FRRS1L: variants seen among roughly 807,000 people sequenced by gnomAD.
FRRS1L encodes the protein ferric chelate reductase 1 like.
In FRRS1L, 22 loss-of-function variants were observed where a neutral mutation model predicts 28.6. The ratio of observed to expected loss-of-function variants is 0.77; its 90% CI spans 0.55 to 1.10. The LOEUF is 1.10. Ranked by LOEUF, FRRS1L falls within the 50% of genes least tolerant of loss-of-function variation. FRRS1L has a pLI of 0.00. For synonymous variants in FRRS1L, 158 were observed against 151.4 expected (o/e 1.04, Z -0.32); for missense variants, 380 against 386.9 (o/e 0.98, Z 0.15).
Position 109,133,628 on chromosome 9 carries a change from T to G in FRRS1L, c.*3827A>C, listed in dbSNP as rs1831081069. On this transcript the variant is annotated 3_prime_UTR_variant, in exon 5 of 5. Coordinates refer to ENST00000561981, the MANE Select transcript of FRRS1L (RefSeq NM_014334.4). ...GCCAGCACTGGTAATTTATGTCAAGTGACCAGCCTCAGTTTTTTCATCTGT... is the reference window on the plus strand; with the variant it reads ...GCCAGCACTGGTAATTTATGTCAAGGGACCAGCCTCAGTTTTTTCATCTGT... 1 of 152,250 alleles carries G rather than the reference T, an allele frequency of 6.6e-6. No homozygotes were observed. The highest frequency in any genetic ancestry group is 6.5e-5 in the Admixed American group (1 of 15,288). The allele number at this position is 152,250 out of a possible 1,614,324, so 9.4% of individuals were successfully genotyped here.
intron 3 of FRRS1L, among the ~76,000 whole-genome samples, chr9:109,144,585 G>A (rs1254141190): frequency 2.6e-5 from 4 of 151,878 alleles, no homozygotes; most frequent in African/African-American, 4.8e-5. Context: ...GGCTGGTCTC[G>A]AACTCCCGAC....
At chr9:109,165,215 A>C (rs1215548557) in intron 1 of FRRS1L, among the ~76,000 whole-genome samples, 1 of 152,262 alleles carries the variant, frequency 6.6e-6, no homozygotes, top group African/African-American at 2.4e-5. Flanking sequence ...TCCAGCTAGA[A>C]GACTACATTT....
chr9:109,143,575 C>T (rs369519144), intron 3 of FRRS1L, among the ~76,000 whole-genome samples: 12 of 146,244 alleles, frequency 8.2e-5, no homozygotes, highest in Admixed American at 2.1e-4. Context: ...AGTGCAGTGG[C>T]GCGATCTCGG....
intron 3 of FRRS1L, among the ~76,000 whole-genome samples, 159 bp from the exon 4 acceptor site, chr9:109,141,748 C>T (rs1831190171): frequency 6.6e-6 from 1 of 152,122 alleles, no homozygotes; most frequent in South Asian, 2.1e-4. Context: ...ACCAAAGTTA[C>T]CATCACAATA....
intron 1 of FRRS1L, among the ~76,000 whole-genome samples, chr9:109,153,325 A>G (rs1023768395): frequency 1.3e-5 from 2 of 152,162 alleles, no homozygotes; most frequent in African/African-American, 4.8e-5. Flanking sequence ...CATGTGGCCA[A>G]ATGATTAAAT....
Position 109,131,301 on chromosome 9 carries a change from A to G in FRRS1L, c.*6154T>C, listed in dbSNP as rs1370539632. On this transcript the variant is annotated 3_prime_UTR_variant, in exon 5 of 5. Coordinates refer to ENST00000561981, the MANE Select transcript of FRRS1L (RefSeq NM_014334.4). ...TTATATGTTCTTAACAATTCATATA[A>G]TGTTGAATGGAGGAGGAAAGGCTTA... The G allele has an allele frequency of 6.6e-6, 1 of 152,244 alleles. No homozygotes were observed. The highest frequency in any genetic ancestry group is 1.5e-5 in the Non-Finnish European group (1 of 68,040). The allele number at this position is 152,244 out of a possible 1,614,324, so 9.4% of individuals were successfully genotyped here.
At chr9:109,165,693 T>C (rs1001649580) in intron 1 of FRRS1L, among the ~76,000 whole-genome samples, 1 of 152,248 alleles carries the variant, frequency 6.6e-6, no homozygotes, top group African/African-American at 2.4e-5. Flanking sequence ...TCCTCCTTTG[T>C]ACCTATGTGC....
rs1344565864 is a variant in FRRS1L, at chr9:109,131,508, A to C, written c.*5947T>G. On this transcript the variant is annotated 3_prime_UTR_variant, in exon 5 of 5. Transcript: ENST00000561981. ...TGTGTATATTCAGGCCTTTGTGTAT[A>C]AACACACACCATCATGTATGTACAA... 1 of 152,238 alleles carries C rather than the reference A, an allele frequency of 6.6e-6. No homozygotes were observed. The highest frequency in any genetic ancestry group is 6.5e-5 in the Admixed American group (1 of 15,276). The allele number at this position is 152,238 out of a possible 1,614,324, so 9.4% of individuals were successfully genotyped here.
At chr9:109,157,829 T>G (rs1371754011) in intron 1 of FRRS1L, among the ~76,000 whole-genome samples, 1 of 152,232 alleles carries the variant, frequency 6.6e-6, no homozygotes, top group African/African-American at 2.4e-5. Flanking sequence ...TTGCTCCTTA[T>G]GTTTTATCTT....
At chr9:109,140,365 G>T (rs1415096576) in intron 4 of FRRS1L, 1 of 152,084 alleles carries the variant, frequency 6.6e-6, no homozygotes, top group African/African-American at 2.4e-5. Flanking sequence ...GAGGTGGGAG[G>T]GTCACTTAAA....
chr9:109,140,765 G>C (rs1248424395), intron 4 of FRRS1L: 2 of 152,244 alleles, frequency 1.3e-5, no homozygotes, highest in Non-Finnish European at 2.9e-5. Flanking sequence ...GCCCAGGCTG[G>C]TCTTGAACTC....
intron 1 of FRRS1L, among the ~76,000 whole-genome samples, chr9:109,161,087 A>G (rs1358720381): frequency 6.6e-6 from 1 of 152,000 alleles, no homozygotes; most frequent in Non-Finnish European, 1.5e-5. Flanking sequence ...CCCGGCCTGA[A>G]GCAGAAATCT....
chr9:109,166,207 C>T (rs896526194), intron 1 of FRRS1L, among the ~76,000 whole-genome samples: 2 of 152,156 alleles, frequency 1.3e-5, no homozygotes, highest in Non-Finnish European at 2.9e-5. Context: ...CCACCATCCG[C>T]TTGGCTTTTG....
At chr9:109,141,731 C>T in intron 3 of FRRS1L, 142 bp from the exon 4 acceptor site, 1 of 803,120 alleles carries the variant, frequency 1.2e-6, no homozygotes, top group South Asian at 1.8e-5. Context: ...AAAGTCTCAA[C>T]CAGGAGACCA....
At position 109,130,572 on chromosome 9, in the gene FRRS1L, T is replaced by C. The variant is rs1831046820; in HGVS notation, c.*6883A>G. On this transcript the variant is annotated 3_prime_UTR_variant, in exon 5 of 5. Transcript: ENST00000561981. ...CATAAGATAGGCTTATAAATATACA[T>C]AAATCTCAAAATTAATCACAAACAT... The C allele has an allele frequency of 6.6e-6, 1 of 152,208 alleles. No individual in the cohort carries two copies. Among genetic ancestry groups the C allele is most frequent in the Non-Finnish European group, 1.5e-5 (1 of 68,042 alleles). 9.4% of individuals were successfully genotyped at this position (152,208 alleles called of 1,614,324 possible).
chr9:109,164,392 G>A (rs1831520063), intron 1 of FRRS1L, among the ~76,000 whole-genome samples: 1 of 138,652 alleles, frequency 7.2e-6, no homozygotes, highest in Non-Finnish European at 1.5e-5. Flanking sequence ...CAGGGAGCAG[G>A]TTGATTTTTT....
intron 1 of FRRS1L, among the ~76,000 whole-genome samples, chr9:109,161,120 T>C (rs1831475519): frequency 6.6e-6 from 1 of 152,132 alleles, no homozygotes. Flanking sequence ...CCACTGCTCC[T>C]GACACTACTC....
At chr9:109,159,508 T>C (rs1342254513) in intron 1 of FRRS1L, among the ~76,000 whole-genome samples, 2 of 152,078 alleles carry the variant, frequency 1.3e-5, no homozygotes, top group Non-Finnish European at 2.9e-5. Context: ...TTACTAAAAA[T>C]ACAAAAATTT....
At chr9:109,159,354 C>G (rs891752453) in intron 1 of FRRS1L, among the ~76,000 whole-genome samples, 13 of 152,052 alleles carry the variant, frequency 8.5e-5, no homozygotes, top group African/African-American at 2.2e-4. Context: ...TTTCTTTAAG[C>G]GTGTTTTAGG....
Sources: allele counts gnomAD v4.1 joint callset (sites outside exome capture counted in the v4.1 genomes callset), GRCh38; gene constraint gnomAD v4.1.1; transcripts MANE v1.5; gene names NCBI Gene and HGNC (gene_info 2026-07-23, HGNC 2026-07-21).